The following CFAP77 variants were observed in gnomAD, a reference collection of about 807,000 sequenced individuals.
CFAP77 encodes cilia and flagella associated protein 77, also known as cilia- and flagella-associated protein 77.
Under a neutral mutation model 31.1 loss-of-function variants are expected in CFAP77, and 25 were observed. The ratio of observed to expected loss-of-function variants is 0.80; its 90% CI spans 0.59 to 1.12. CFAP77 has a LOEUF of 1.12. CFAP77 is among the 50% of genes most tolerant of loss of function. CFAP77 has a pLI of 0.00. For synonymous variants in CFAP77, 151 were observed against 159.9 expected, an observed-to-expected ratio of 0.94 and a Z score of 0.42; for missense variants, 377 against 397.3, an observed-to-expected ratio of 0.95 and a Z score of 0.44.
intron 5 of CFAP77, among the ~76,000 whole-genome samples, chr9:132,568,429 G>A (rs1233243618): frequency 7.9e-5 from 12 of 151,710 alleles, no homozygotes; most frequent in South Asian, 2.1e-4. Context: ...GGTGGCAGGC[G>A]CCTGTAATTC....
At chr9:132,482,393 A>T (rs1166358545) in intron 1 of CFAP77, 12 of 1,613,302 alleles carry the variant, frequency 7.4e-6, no homozygotes, top group Non-Finnish European at 1.0e-5. Context: ...CCCTTGCTGG[A>T]CACCACATCA....
chr9:132,495,710 C>T lies in CFAP77; in HGVS notation c.196-2985C>T, dbSNP rs1324955166. On this transcript the variant is annotated intron_variant, in intron 1 of 5. Coordinates refer to ENST00000393216, the MANE Select transcript of CFAP77 (RefSeq NM_001282957.2). This position sits in a 1 kb window ranked among gnomAD's most constrained non-coding sequence, Gnocchi z 4.2. ...GTCTGTGTACCCCTAAAATTCAAAA[C>T]CTAACTTTGGATGGGATGGCGTTAG... Among the ~76,000 whole-genome samples the T allele has an allele frequency of 6.6e-6, 1 of 152,144 alleles. No homozygotes were observed. The highest frequency in any genetic ancestry group is 1.5e-5 in the Non-Finnish European group (1 of 68,030).
At chr9:132,415,084 T>C (rs951734082) in intron 1 of CFAP77, among the ~76,000 whole-genome samples, 7 of 151,624 alleles carry the variant, frequency 4.6e-5, no homozygotes. Context: ...GAAGAGAATA[T>C]ACCCCTGATT....
chr9:132,505,164 C>G (rs1440665739), intron 3 of CFAP77, among the ~76,000 whole-genome samples: 1 of 152,216 alleles, frequency 6.6e-6, no homozygotes, highest in South Asian at 2.1e-4. Context: ...GTGACTGCCA[C>G]CCTGTGAGCT....
At chr9:132,445,644 G>C (rs1158734897) in intron 1 of CFAP77, among the ~76,000 whole-genome samples, 1 of 152,120 alleles carries the variant, frequency 6.6e-6, no homozygotes, top group African/African-American at 2.4e-5. Context: ...GAGGCAGGCA[G>C]ATCACTTGAG....
intron 1 of CFAP77, among the ~76,000 whole-genome samples, chr9:132,427,389 C>T (rs764084314): frequency 7.2e-5 from 11 of 152,178 alleles, no homozygotes; most frequent in African/African-American, 1.4e-4. Context: ...AAGACTTCTC[C>T]GGTCCTTCTC....
At position 132,481,258 on chromosome 9, in the gene CFAP77, G is replaced by C. The variant is rs1851442563; in HGVS notation, c.196-17437G>C. 6.6e-6 allele frequency among the ~76,000 whole-genome samples: 1 copy of C among 152,144 alleles called. No homozygotes were observed. The highest frequency in any genetic ancestry group is 1.5e-5 in the Non-Finnish European group (1 of 68,036). ...ACGCTTCAGCCCTGTCTCCCCCAGAGCGGCCTCACCCTCCTCCTTCCTGGA... is the reference window on the plus strand; with the variant it reads ...ACGCTTCAGCCCTGTCTCCCCCAGACCGGCCTCACCCTCCTCCTTCCTGGA... On this transcript the variant is annotated intron_variant, in intron 1 of 5. Transcript: ENST00000393216. The surrounding 1 kb of genome is among the most constrained non-coding windows in gnomAD (Gnocchi z 5.0).
rs1270180641 is a variant in CFAP77 at position 132,552,765 on chromosome 9, C to T, written c.732+9718C>T. Among the ~76,000 whole-genome samples, 1 of 151,856 alleles carries T rather than the reference C, an allele frequency of 6.6e-6. No individual in the cohort carries two copies. The highest frequency in any genetic ancestry group is 1.5e-5 in the Non-Finnish European group (1 of 67,964). On this transcript the variant is annotated intron_variant, in intron 5 of 5. Coordinates refer to ENST00000393216, the MANE Select transcript of CFAP77 (RefSeq NM_001282957.2). This position sits in a 1 kb window ranked among gnomAD's most constrained non-coding sequence, Gnocchi z 5.5. ...TGATCCAGTGGGTCTGGGACAGCCA[C>T]CAAACCTGTATTTTCAGCAAGCCAG... is the stretch of plus-strand genomic sequence containing the variant.
Position 132,490,389 on chromosome 9 carries a change from A to G in CFAP77, c.196-8306A>G, listed in dbSNP as rs1212327490. On this transcript the variant is annotated intron_variant, in intron 1 of 5. Transcript: ENST00000393216. This position sits in a 1 kb window ranked among gnomAD's most constrained non-coding sequence, Gnocchi z 4.6. Reference sequence around the variant, plus strand: ...CAGCTGAACTCAGATGTCTGTCACAACCTGCTTGCCTGTGTCTGAAAGTTC... The same window carrying G: ...CAGCTGAACTCAGATGTCTGTCACAGCCTGCTTGCCTGTGTCTGAAAGTTC... Among the ~76,000 whole-genome samples, 2 of 152,150 alleles carry G rather than the reference A, an allele frequency of 1.3e-5. No homozygotes were observed. The highest frequency in any genetic ancestry group is 2.9e-5 in the Non-Finnish European group (2 of 68,028).
chr9:132,536,815 G>T (rs1397216575), intron 3 of CFAP77, among the ~76,000 whole-genome samples: 2 of 152,196 alleles, frequency 1.3e-5, no homozygotes, highest in Non-Finnish European at 2.9e-5. Flanking sequence ...GAGGCTTGTG[G>T]CTGAGCGGGT....
intron 3 of CFAP77, among the ~76,000 whole-genome samples, chr9:132,530,915 A>G (rs886454545): frequency 6.6e-6 from 1 of 152,140 alleles, no homozygotes; most frequent in Non-Finnish European, 1.5e-5. Context: ...TTTTGTATTT[A>G]AATCTGTGAA....
chr9:132,427,822 T>C (rs1385788940), intron 1 of CFAP77, among the ~76,000 whole-genome samples: 1 of 152,182 alleles, frequency 6.6e-6, no homozygotes, highest in Non-Finnish European at 1.5e-5. Context: ...AACTGTCTCC[T>C]GCAGTATCAT....
rs1055152332 is a variant in CFAP77 at position 132,481,451 on chromosome 9, C to T, written c.196-17244C>T. 7.9e-5 allele frequency among the ~76,000 whole-genome samples: 12 copies of T among 152,220 alleles called. No homozygotes were observed. The highest frequency in any genetic ancestry group is 7.9e-4 in the Admixed American group (12 of 15,278). On this transcript the variant is annotated intron_variant, in intron 1 of 5. Coordinates refer to ENST00000393216, the MANE Select transcript of CFAP77 (RefSeq NM_001282957.2). This position sits in a 1 kb window ranked among gnomAD's most constrained non-coding sequence, Gnocchi z 5.0. ...CTCGAACTCACTCCTTACACTCCTCCCTCCCCAGCAAGATTTCATCCATCT... is the reference window on the plus strand; with the variant it reads ...CTCGAACTCACTCCTTACACTCCTCTCTCCCCAGCAAGATTTCATCCATCT...
At chr9:132,438,683 A>T (rs1408729266) in intron 1 of CFAP77, among the ~76,000 whole-genome samples, 1 of 150,408 alleles carries the variant, frequency 6.6e-6, no homozygotes, top group Non-Finnish European at 1.5e-5. Context: ...CTACTAGCAC[A>T]TGCCAACATG....
At chr9:132,500,524 A>C (rs1191190933) in intron 3 of CFAP77, among the ~76,000 whole-genome samples, 1 of 151,876 alleles carries the variant, frequency 6.6e-6, no homozygotes, top group Non-Finnish European at 1.5e-5. Flanking sequence ...TTTTTTATTG[A>C]GGTTTCACTT....
At chr9:132,541,056 G>A (rs1852631462) in intron 4 of CFAP77, among the ~76,000 whole-genome samples, 1 of 152,150 alleles carries the variant, frequency 6.6e-6, no homozygotes, top group Non-Finnish European at 1.5e-5. Flanking sequence ...GTGGTCTGGG[G>A]TTGATAGACA....
intron 1 of CFAP77, among the ~76,000 whole-genome samples, chr9:132,430,566 G>A (rs1850396104): frequency 6.6e-6 from 1 of 152,178 alleles, no homozygotes; most frequent in African/African-American, 2.4e-5. Flanking sequence ...GTTGCGATCT[G>A]AAGAAAAGCC....
intron 1 of CFAP77, among the ~76,000 whole-genome samples, chr9:132,477,419 G>A (rs1851367962): frequency 6.6e-6 from 1 of 152,220 alleles, no homozygotes; most frequent in African/African-American, 2.4e-5. Flanking sequence ...TTAGGGAGAA[G>A]AGAAAGATGA....
At chr9:132,470,345 T>A (rs1851234143) in intron 1 of CFAP77, among the ~76,000 whole-genome samples, 1 of 152,300 alleles carries the variant, frequency 6.6e-6, no homozygotes, top group East Asian at 1.9e-4. Flanking sequence ...GCTCAGCAGG[T>A]TGCGCCTTAG....
Sources: gnomAD v4.1 joint callset for allele counts (sites outside exome capture counted in the v4.1 genomes callset) on GRCh38, gnomAD v4.1.1 for gene constraint, Gnocchi (gnomAD v3.1) non-coding constraint, MANE v1.5 for transcripts, NCBI Gene and HGNC (gene_info 2026-07-23, HGNC 2026-07-21) for gene names.